The following STPG2 variants were observed in gnomAD, a reference collection of about 807,000 sequenced individuals.
STPG2 encodes the protein sperm-tail PG-rich repeat-containing protein 2.
Under a neutral mutation model 54.2 loss-of-function variants are expected in STPG2, and 56 were observed. The ratio of observed to expected loss-of-function variants is 1.03; its 90% confidence interval spans 0.83 to 1.29. The LOEUF is 1.29. STPG2 is among the 50% of genes most tolerant of loss of function. The pLI is 0.00. For missense variants in STPG2, 596 were observed against 544.9 expected (o/e 1.09, Z -0.93); for synonymous variants, 200 against 181.8 (o/e 1.10, Z -0.81).
chr4:97,918,075 A>AC (rs1439685602), intron 8 of STPG2, among the ~76,000 whole-genome samples: 1 of 152,110 alleles, frequency 6.6e-6, no homozygotes, highest in Admixed American at 6.6e-5. Context: ...GAAGATAAAA[A>AC]AAAACCTAAA....
intron 9 of STPG2, among the ~76,000 whole-genome samples, chr4:97,789,571 T>C (rs1018203553): frequency 6.6e-6 from 1 of 152,174 alleles, no homozygotes; most frequent in Non-Finnish European, 1.5e-5. Flanking sequence ...AAACTGTAAG[T>C]GCCATACACT....
chr4:97,671,152 C>T lies in STPG2; in HGVS notation c.1320+41547G>A, dbSNP rs186495384. On this transcript the variant is annotated intron_variant, in intron 10 of 10. Coordinates refer to ENST00000295268, the MANE Select transcript of STPG2 (RefSeq NM_174952.3). ...CAATACCCCAACCTCTTATTTTCAG[C>T]TTTTCTAAAAATGGACTCAATTGAG... Among the ~76,000 whole-genome samples, 447 of 152,268 alleles carry T rather than the reference C, an allele frequency of 2.9e-3. 1 individual carries two copies. The highest frequency in any genetic ancestry group is 5.5e-3 in the Non-Finnish European group (377 of 68,020).
At chr4:97,734,767 C>T (rs1266454954) in intron 9 of STPG2, among the ~76,000 whole-genome samples, 1 of 152,008 alleles carries the variant, frequency 6.6e-6, no homozygotes, top group South Asian at 2.1e-4. Flanking sequence ...AGTAGGACAA[C>T]ATCAAACTAA....
Position 97,468,178 on chromosome 4 carries a change from GT to G in STPG2, c.462+244520del, listed in dbSNP as rs748912941. 9.5e-4 allele frequency among the ~76,000 whole-genome samples: 145 copies of G among 152,054 alleles called. 1 individual carries two copies. Among genetic ancestry groups the G allele is most frequent in the Middle Eastern group, 3.4e-3 (1 of 294 alleles). On this transcript the variant is annotated intron_variant, in intron 4 of 4. Coordinates refer to the STPG2 transcript ENST00000522676. ...AGATCAGTTAGTACACAAAATATTT[GT>G]CAAACTTTTTTTCCAATGTAATGGT... is the stretch of plus-strand genomic sequence containing the variant.
intron 9 of STPG2, among the ~76,000 whole-genome samples, chr4:97,772,988 AC>A (rs781125122): frequency 6.6e-6 from 1 of 152,278 alleles, no homozygotes; most frequent in East Asian, 1.9e-4. Flanking sequence ...GGTGTAGGCA[AC>A]AATTTTAAAT....
chr4:97,673,698 T>A (rs1306623427), intron 10 of STPG2, among the ~76,000 whole-genome samples: 1 of 151,908 alleles, frequency 6.6e-6, no homozygotes, highest in Non-Finnish European at 1.5e-5. Flanking sequence ...GCATTGGCAA[T>A]GTCCCATAAT....
At chr4:97,459,622 T>C (rs1384687054) in intron 4 of STPG2, among the ~76,000 whole-genome samples, 1 of 151,992 alleles carries the variant, frequency 6.6e-6, no homozygotes, top group Admixed American at 6.5e-5. Context: ...GTTGTATTTT[T>C]AGTAGAGACA....
At chr4:97,680,660 C>CACTATATCA (rs1481252997) in intron 10 of STPG2, among the ~76,000 whole-genome samples, 1 of 152,008 alleles carries the variant, frequency 6.6e-6, no homozygotes, top group Non-Finnish European at 1.5e-5. Context: ...GAACTTCCAA[C>CACTATATCA]ACTATATCAT....
chr4:97,756,901 GT>G (rs924529955), intron 9 of STPG2, among the ~76,000 whole-genome samples: 3 of 151,856 alleles, frequency 2.0e-5, no homozygotes, highest in Non-Finnish European at 2.9e-5. Context: ...TCCCTCTTTT[GT>G]TATCTTATTC....
intron 5 of STPG2, among the ~76,000 whole-genome samples, chr4:98,030,856 C>G (rs139419861): frequency 6.6e-6 from 1 of 152,194 alleles, no homozygotes; most frequent in Non-Finnish European, 1.5e-5. Context: ...AAACTGGGCC[C>G]CTTCTTTACA....
Position 97,866,910 on chromosome 4 carries a change from T to TAA in STPG2, c.1045-25980_1045-25979dup, listed in dbSNP as rs138050815. Among the ~76,000 whole-genome samples the TAA allele has an allele frequency of 2.0e-5, 3 of 151,450 alleles. No homozygotes were observed. In the East Asian group the frequency reaches 5.9e-4, roughly 30 times the overall value. On this transcript the variant is annotated intron_variant, in intron 8 of 10. Transcript: ENST00000295268. ...GCCCAAACTGACAGTTGCAGCAAGG[T>TAA]AAAAAAAACTTGGGCATTTGGCTTC...
intron 5 of STPG2, among the ~76,000 whole-genome samples, chr4:98,079,969 A>C (rs1238370559): frequency 6.6e-6 from 1 of 152,134 alleles, no homozygotes; most frequent in Admixed American, 6.6e-5. Flanking sequence ...ACTTTCGGAA[A>C]TATGCTGTGG....
At chr4:98,020,148 G>A (rs1167646803) in intron 5 of STPG2, among the ~76,000 whole-genome samples, 1 of 131,470 alleles carries the variant, frequency 7.6e-6, no homozygotes, top group East Asian at 2.1e-4. Context: ...GAGATTGGCT[G>A]TGGGTTTGTC....
Position 97,600,504 on chromosome 4 carries a change from A to G in STPG2, c.1321-41387T>C, listed in dbSNP as rs184104882. ...TTGATCTCCAATGACGTTAATGCCT[A>G]TTTTACATTGGCGAGGGCTCATAAT... On this transcript the variant is annotated intron_variant, in intron 10 of 10. Transcript: ENST00000295268. 1.4e-3 allele frequency among the ~76,000 whole-genome samples: 215 copies of G among 152,306 alleles called. 1 individual carries two copies. The highest frequency in any genetic ancestry group is 2.6e-3 in the Non-Finnish European group (180 of 68,012).
chr4:97,601,316 G>A (rs138350976), intron 10 of STPG2, among the ~76,000 whole-genome samples: 82 of 151,946 alleles, frequency 5.4e-4, no homozygotes, highest in African/African-American at 1.9e-3. Flanking sequence ...GCTTATATTA[G>A]ATATTTAGTA....
At chr4:97,735,657 ATTC>A (rs1183000610) in intron 9 of STPG2, among the ~76,000 whole-genome samples, 4 of 149,808 alleles carry the variant, frequency 2.7e-5, no homozygotes, top group Non-Finnish European at 4.4e-5. Flanking sequence ...AGATGTGTAT[ATTC>A]TTATAATATA....
At chr4:97,931,189 C>T (rs748467062) in intron 8 of STPG2, among the ~76,000 whole-genome samples, 11 of 152,034 alleles carry the variant, frequency 7.2e-5, no homozygotes, top group Admixed American at 4.6e-4. Context: ...TTCTCCTGCC[C>T]GATGGCTCTG....
chr4:97,535,876 G>A (rs115656794), intron 4 of STPG2, among the ~76,000 whole-genome samples: 2 of 152,060 alleles, frequency 1.3e-5, no homozygotes, highest in Admixed American at 1.3e-4. Flanking sequence ...TAGACTGCTG[G>A]ATATTGCTCT....
At chr4:97,763,638 G>T (rs1287922471) in intron 9 of STPG2, among the ~76,000 whole-genome samples, 1 of 151,964 alleles carries the variant, frequency 6.6e-6, no homozygotes, top group Non-Finnish European at 1.5e-5. Context: ...ATTTATTTTG[G>T]GGTCTTGTTC....
Sources: gnomAD v4.1 joint callset for allele counts (sites outside exome capture counted in the v4.1 genomes callset) on GRCh38, gnomAD v4.1.1 for gene constraint, MANE v1.5 for transcripts, NCBI Gene and HGNC (gene_info 2026-07-23, HGNC 2026-07-21) for gene names.